LRRC4C: variants seen among roughly 807,000 people sequenced by gnomAD.
The protein encoded by LRRC4C is leucine-rich repeat-containing protein 4C.
A neutral mutation model predicts 33.6 loss-of-function variants in LRRC4C; 5 were observed. That is an observed-to-expected ratio of 0.15 (90% CI 0.08 to 0.31). The LOEUF (loss-of-function observed/expected upper bound fraction) is 0.31, where lower values mean the gene tolerates loss of function less well. Ranked by LOEUF, LRRC4C falls within the 10% of genes least tolerant of loss-of-function variation. The pLI is 1.00. For missense variants in LRRC4C, 560 were observed against 796.7 expected (o/e 0.70, Z 3.58); for synonymous variants, 329 against 302.0 (o/e 1.09, Z -0.93).
At chr11:40,524,901 C>T (rs779747791) in intron 3 of LRRC4C, among the ~76,000 whole-genome samples, 16 of 152,008 alleles carry the variant, frequency 1.1e-4, no homozygotes, top group Admixed American at 6.6e-4. Flanking sequence ...GTACAAGGAA[C>T]GATTAGTTAC....
At chr11:40,401,154 T>A (rs1212493664) in intron 3 of LRRC4C, among the ~76,000 whole-genome samples, 1 of 142,882 alleles carries the variant, frequency 7.0e-6, no homozygotes, top group Admixed American at 7.2e-5. Flanking sequence ...TGAGCAGGAA[T>A]AGGCTTAATT....
chr11:40,534,296 G>A (rs1956387251), intron 3 of LRRC4C, among the ~76,000 whole-genome samples: 1 of 152,036 alleles, frequency 6.6e-6, no homozygotes, highest in Non-Finnish European at 1.5e-5. Flanking sequence ...ACTAAGCCAT[G>A]TTTGCCTCCA....
At chr11:41,305,627 CAT>C (rs1950474955) in intron 1 of LRRC4C, among the ~76,000 whole-genome samples, 1 of 69,424 alleles carries the variant, frequency 1.4e-5, no homozygotes, top group Non-Finnish European at 3.6e-5. Context: ...CTCTCTGAAA[CAT>C]GTGCTGTGTC....
chr11:41,355,530 T>A (rs1952130045), intron 1 of LRRC4C, among the ~76,000 whole-genome samples: 2 of 152,102 alleles, frequency 1.3e-5, no homozygotes. Flanking sequence ...TTCTTCCCAA[T>A]TTGTATATAT....
At chr11:41,325,816 G>T (rs1019912394) in intron 1 of LRRC4C, among the ~76,000 whole-genome samples, 4 of 152,096 alleles carry the variant, frequency 2.6e-5, no homozygotes, top group African/African-American at 9.6e-5. Context: ...AGCAGTTCAT[G>T]GTTTTACTCA....
intron 1 of LRRC4C, among the ~76,000 whole-genome samples, chr11:41,322,967 C>T (rs1951002049): frequency 6.6e-6 from 1 of 152,076 alleles, no homozygotes. Context: ...ATTACATGGT[C>T]CTGGCTAACC....
intron 1 of LRRC4C, among the ~76,000 whole-genome samples, chr11:40,975,933 G>A (rs1166646255): frequency 6.6e-6 from 1 of 152,124 alleles, no homozygotes; most frequent in Non-Finnish European, 1.5e-5. Context: ...CTAGACCTTT[G>A]TAGAGGTGTC....
chr11:40,164,473 G>A (rs1859419566), intron 5 of LRRC4C, among the ~76,000 whole-genome samples: 1 of 152,068 alleles, frequency 6.6e-6, no homozygotes, highest in Non-Finnish European at 1.5e-5. Flanking sequence ...CTGACCTCAG[G>A]TGATCTGCCC....
intron 1 of LRRC4C, among the ~76,000 whole-genome samples, chr11:41,000,988 T>C (rs1264696166): frequency 1.3e-5 from 2 of 152,150 alleles, no homozygotes; most frequent in African/African-American, 4.8e-5. Flanking sequence ...TTTAAATATA[T>C]GCCATCAGTT....
At chr11:40,760,874 A>G (rs1356078029) in intron 2 of LRRC4C, among the ~76,000 whole-genome samples, 2 of 146,340 alleles carry the variant, frequency 1.4e-5, no homozygotes, top group Admixed American at 6.9e-5. Flanking sequence ...TATGTATATT[A>G]TATATAATAT....
chr11:40,737,433 C>G (rs963344441), intron 2 of LRRC4C, among the ~76,000 whole-genome samples: 5 of 152,124 alleles, frequency 3.3e-5, no homozygotes, highest in African/African-American at 1.2e-4. Flanking sequence ...CAGATTGTCT[C>G]TGTTTGCAGA....
At chr11:40,317,355 G>T (rs1420494356) in intron 4 of LRRC4C, among the ~76,000 whole-genome samples, 1 of 151,832 alleles carries the variant, frequency 6.6e-6, no homozygotes, top group Non-Finnish European at 1.5e-5. Flanking sequence ...ATTTTCTAGG[G>T]TTAGGTGTCC....
At chr11:41,193,698 C>T (rs1010207019) in intron 1 of LRRC4C, among the ~76,000 whole-genome samples, 1 of 152,056 alleles carries the variant, frequency 6.6e-6, no homozygotes, top group African/African-American at 2.4e-5. Context: ...GAGATGAGTG[C>T]TTCTAAACCA....
intron 1 of LRRC4C, among the ~76,000 whole-genome samples, chr11:41,177,189 A>G (rs1398483650): frequency 6.6e-6 from 1 of 152,180 alleles, no homozygotes; most frequent in Non-Finnish European, 1.5e-5. Context: ...CTTATAACAG[A>G]GGATGATGTG....
intron 2 of LRRC4C, among the ~76,000 whole-genome samples, chr11:40,769,985 C>G (rs1345311496): frequency 6.6e-6 from 1 of 151,952 alleles, no homozygotes; most frequent in Non-Finnish European, 1.5e-5. Flanking sequence ...TATCCCCAAC[C>G]AGAGCAAAAA....
At chr11:40,537,450 A>G (rs1051983051) in intron 3 of LRRC4C, among the ~76,000 whole-genome samples, 1 of 152,212 alleles carries the variant, frequency 6.6e-6, no homozygotes, top group African/African-American at 2.4e-5. Flanking sequence ...TCACTTCCCC[A>G]TAATACTATA....
chr11:40,558,094 G>A (rs774075485), intron 3 of LRRC4C, among the ~76,000 whole-genome samples: 3 of 152,056 alleles, frequency 2.0e-5, no homozygotes, highest in African/African-American at 4.8e-5. Context: ...GAAAACTAAC[G>A]TAATTGTTTA....
chr11:40,136,571 C>T (rs1025035897), intron 6 of LRRC4C, among the ~76,000 whole-genome samples: 1 of 152,040 alleles, frequency 6.6e-6, no homozygotes, highest in Admixed American at 6.6e-5. Context: ...CCACCACGCC[C>T]GGCCCATCCA....
chr11:40,917,792 G>A (rs2136330299), intron 2 of LRRC4C, among the ~76,000 whole-genome samples: 1 of 152,184 alleles, frequency 6.6e-6, no homozygotes, highest in Non-Finnish European at 1.5e-5. Flanking sequence ...ATATATATAA[G>A]ATAAATAGTG....
Sources: allele counts gnomAD v4.1 joint callset (sites outside exome capture counted in the v4.1 genomes callset), GRCh38; gene constraint gnomAD v4.1.1; transcripts MANE v1.5; gene names NCBI Gene and HGNC (gene_info 2026-07-23, HGNC 2026-07-21).